The following POF1B variants were observed in gnomAD, a reference collection of about 807,000 sequenced individuals.
The protein encoded by POF1B is protein POF1B.
POF1B carries 53 observed loss-of-function variants against 55.3 expected under a neutral mutation model. That is an observed-to-expected ratio of 0.96 (90% CI 0.77 to 1.20). The LOEUF is 1.20. Among genes scored for constraint, POF1B ranks in the 50% most tolerant of loss-of-function variants. The pLI, the probability that POF1B is intolerant of heterozygous loss-of-function variation, is 0.00. For missense variants in POF1B, 478 were observed against 420.5 expected, an observed-to-expected ratio of 1.14 and a Z score of -1.20; for synonymous variants, 188 against 148.3, an observed-to-expected ratio of 1.27 and a Z score of -1.95.
chrX:85,363,033 T>C (rs57695232), intron 3 of POF1B, among the ~76,000 whole-genome samples: 2,370 of 111,357 alleles, frequency 0.021, 51 homozygotes, highest in African/African-American at 0.059. Context: ...TTTGTATGCA[T>C]AGAGGTGTTT....
intron 16 of POF1B, among the ~76,000 whole-genome samples, chrX:85,280,237 G>A (rs1931867836): frequency 9.0e-6 from 1 of 111,295 alleles, no homozygotes; most frequent in African/African-American, 3.2e-5. Context: ...GATGTTTCTA[G>A]AAGTTATTTA....
chrX:85,359,281 A>T (rs1933560771), intron 4 of POF1B, among the ~76,000 whole-genome samples: 1 of 111,232 alleles, frequency 9.0e-6, no homozygotes, highest in South Asian at 3.7e-4. Flanking sequence ...CTTTTGTAGC[A>T]TAAGGGTGGG....
At chrX:85,309,891 T>C (rs1197951268) in intron 9 of POF1B, among the ~76,000 whole-genome samples, 1 of 111,992 alleles carries the variant, frequency 8.9e-6, no homozygotes, top group African/African-American at 3.2e-5. Context: ...TGAAATTCCA[T>C]GCACTGTGAT....
At chrX:85,373,326 T>C (rs1249917061) in intron 2 of POF1B, among the ~76,000 whole-genome samples, 1 of 111,983 alleles carries the variant, frequency 8.9e-6, no homozygotes, top group Non-Finnish European at 1.9e-5. Flanking sequence ...CGAGTCTCAA[T>C]TTCCTTATTT....
At position 85,363,194 on chromosome X, in the gene POF1B, C is replaced by T. The variant is rs149642454; in HGVS notation, c.358-3564G>A. Among the ~76,000 whole-genome samples the T allele has an allele frequency of 2.9e-3, 317 of 111,202 alleles. 1 individual carries two copies. Among genetic ancestry groups the T allele is most frequent in the African/African-American group, 9.8e-3 (299 of 30,653 alleles). ...CTGCCTTATTAATTTTTTGAGAAAA[C>T]GAACTCCTGGATTTGTAGATCTTTT... On this transcript the variant is annotated intron_variant, in intron 3 of 16. Transcript: ENST00000262753.
At chrX:85,292,632 T>A (rs191354821) in intron 15 of POF1B, among the ~76,000 whole-genome samples, 53 of 111,274 alleles carry the variant, frequency 4.8e-4, no homozygotes, top group Non-Finnish European at 8.1e-4. Flanking sequence ...TCATTATTAG[T>A]CTGTTAAAGG....
At chrX:85,358,511 C>A (rs774020136) in intron 4 of POF1B, among the ~76,000 whole-genome samples, 1 of 111,153 alleles carries the variant, frequency 9.0e-6, no homozygotes, top group Non-Finnish European at 1.9e-5. Flanking sequence ...TGGATTATGT[C>A]CACTAATGGA....
intron 2 of POF1B, among the ~76,000 whole-genome samples, chrX:85,378,887 A>G (rs1399076886): frequency 1.8e-5 from 2 of 112,439 alleles, no homozygotes; most frequent in African/African-American, 6.5e-5. Flanking sequence ...CAGTAGGGGC[A>G]AAGGGATTCC....
At chrX:85,364,479 A>C (rs935969041) in intron 3 of POF1B, among the ~76,000 whole-genome samples, 1 of 111,742 alleles carries the variant, frequency 8.9e-6, no homozygotes, top group African/African-American at 3.3e-5. Context: ...CTTATCTGAA[A>C]ATAATCTTAT....
chrX:85,309,194 T>C (rs1932641114), intron 9 of POF1B, among the ~76,000 whole-genome samples: 1 of 110,048 alleles, frequency 9.1e-6, no homozygotes, highest in South Asian at 3.9e-4. Flanking sequence ...GGGCCACTAC[T>C]TCATTTACAT....
chrX:85,342,495 A>T (rs1414053430), intron 6 of POF1B, among the ~76,000 whole-genome samples: 1 of 111,465 alleles, frequency 9.0e-6, no homozygotes, highest in East Asian at 2.8e-4. Flanking sequence ...TACATATTTT[A>T]TCTCATTTAA....
At chrX:85,313,175 C>G (rs1235694394) in intron 9 of POF1B, among the ~76,000 whole-genome samples, 1 of 111,831 alleles carries the variant, frequency 8.9e-6, no homozygotes, top group African/African-American at 3.2e-5. Context: ...ATTTCTTTCA[C>G]TTGCCTTGTT....
intron 2 of POF1B, among the ~76,000 whole-genome samples, chrX:85,375,828 G>A (rs1487506940): frequency 8.9e-6 from 1 of 111,868 alleles, no homozygotes; most frequent in East Asian, 2.8e-4. Flanking sequence ...TTTTCCCCCA[G>A]GCTGCTCTCT....
chrX:85,364,877 G>T (rs1933689275), intron 3 of POF1B, among the ~76,000 whole-genome samples: 1 of 112,054 alleles, frequency 8.9e-6, no homozygotes, highest in South Asian at 3.7e-4. Context: ...GTCCCTTTCA[G>T]AGTTGCCAAT....
chrX:85,317,925 TG>T (rs1434181882), intron 7 of POF1B, among the ~76,000 whole-genome samples: 1 of 111,539 alleles, frequency 9.0e-6, no homozygotes, highest in African/African-American at 3.3e-5. Context: ...TGCAGGGACA[TG>T]GATGGAGCTG....
At chrX:85,339,328 C>T (rs1182088576) in intron 6 of POF1B, among the ~76,000 whole-genome samples, 2 of 110,717 alleles carry the variant, frequency 1.8e-5, no homozygotes, top group African/African-American at 6.6e-5. Context: ...CCACTGGGTC[C>T]CTCCCACAAC....
chrX:85,351,340 T>G lies in POF1B; in HGVS notation c.540+10A>C, dbSNP rs769323702. The G allele has an allele frequency of 1.1e-5, 12 of 1,107,136 alleles. No homozygotes were observed. The South Asian group carries it at 2.4e-4, about 22-fold the overall frequency. 91.2% of individuals were successfully genotyped at this position (1,107,136 alleles called of 1,213,427 possible). ...CTTAAAAACAAGTTTTAAAACAAAA[T>G]ATTACTTACCTGATCAGTATTTAGC... On this transcript the variant is annotated intron_variant, in intron 5 of 16. Coordinates refer to ENST00000262753, the MANE Select transcript of POF1B (RefSeq NM_024921.4).
At chrX:85,361,557 C>T (rs1193113421) in intron 3 of POF1B, among the ~76,000 whole-genome samples, 1 of 110,969 alleles carries the variant, frequency 9.0e-6, no homozygotes, top group East Asian at 2.8e-4. Flanking sequence ...CTATTCTGTT[C>T]CCTTGGTCTA....
intron 3 of POF1B, among the ~76,000 whole-genome samples, chrX:85,367,039 G>A (rs1341602607): frequency 2.7e-5 from 3 of 110,731 alleles, no homozygotes; most frequent in African/African-American, 6.6e-5. Context: ...AGCATCTCCC[G>A]CCTTCCTACC....
Sources: allele counts gnomAD v4.1 joint callset (sites outside exome capture counted in the v4.1 genomes callset), GRCh38; gene constraint gnomAD v4.1.1; transcripts MANE v1.5; gene names NCBI Gene and HGNC (gene_info 2026-07-23, HGNC 2026-07-21).